Variants in ABCC1 observed in about 807,000 individuals in gnomAD.
The protein encoded by ABCC1 is ATP binding cassette subfamily C member 1 (ABCC1 blood group).
Under a neutral mutation model 172.9 loss-of-function variants are expected in ABCC1, and 83 were observed. The observed-to-expected ratio is 0.48, with a 90% confidence interval of 0.40 to 0.58. ABCC1 has a LOEUF of 0.58. Ranked by LOEUF, ABCC1 falls within the 20% of genes least tolerant of loss-of-function variation. The pLI is 0.00. For missense variants in ABCC1, 1,817 were observed against 2,002.7 expected, an observed-to-expected ratio of 0.91 and a Z score of 1.77; for synonymous variants, 937 against 825.2, an observed-to-expected ratio of 1.14 and a Z score of -2.32.
intron 4 of ABCC1, 79 bp from the exon 5 acceptor site, chr16:16,016,417 G>A: frequency 6.4e-7 from 1 of 1,570,468 alleles, no homozygotes; most frequent in South Asian, 1.2e-5. Context: ...GCCTCCAAAA[G>A]TGCTAGGATT....
intron 23 of ABCC1, among the ~76,000 whole-genome samples, chr16:16,117,298 G>T (rs961092435): frequency 2.6e-5 from 4 of 152,136 alleles, no homozygotes; most frequent in Non-Finnish European, 5.9e-5. Context: ...CGAAGTCGGG[G>T]AGCCCCCTTA....
chr16:16,022,335 G>A (rs981061201), intron 5 of ABCC1, among the ~76,000 whole-genome samples: 2 of 152,112 alleles, frequency 1.3e-5, no homozygotes, highest in African/African-American at 4.8e-5. Flanking sequence ...TGGGGCTGCC[G>A]AGGCTTTTGG....
rs146070443 is a variant in ABCC1, at chr16:16,130,859, A to G, written c.3820-930A>G. On this transcript the variant is annotated intron_variant, in intron 26 of 30. Transcript: ENST00000399410. ...ATGTCTGTGGCGGGCATGGTGGCTCACGCCTGTAATCCCAGCACTTTGGGA... is the reference window on the plus strand; with the variant it reads ...ATGTCTGTGGCGGGCATGGTGGCTCGCGCCTGTAATCCCAGCACTTTGGGA... Among the ~76,000 whole-genome samples the G allele has an allele frequency of 5.4e-3, 825 of 152,294 alleles. 4 individuals are homozygous for G. The highest frequency in any genetic ancestry group is 0.019 in the African/African-American group (795 of 41,548).
chr16:15,982,368 A>G (rs2046641300), intron 1 of ABCC1, among the ~76,000 whole-genome samples: 1 of 152,202 alleles, frequency 6.6e-6, no homozygotes, highest in South Asian at 2.1e-4. Context: ...GGCCTCAGGA[A>G]GCTTGTAATC....
intron 24 of ABCC1, among the ~76,000 whole-genome samples, chr16:16,123,943 G>C (rs2045285669): frequency 6.6e-6 from 1 of 152,164 alleles, no homozygotes; most frequent in East Asian, 1.9e-4. Flanking sequence ...CTGGAACTTG[G>C]AAGGTTGAGG....
chr16:16,112,387 A>G (rs984735723), intron 22 of ABCC1, among the ~76,000 whole-genome samples: 1 of 151,090 alleles, frequency 6.6e-6, no homozygotes, highest in Non-Finnish European at 1.5e-5. Context: ...AAAAAAAAAA[A>G]CCCTGCTCTA....
Position 16,074,311 on chromosome 16 carries a change from G to A in ABCC1, c.1913-2015G>A, listed in dbSNP as rs535494600. Among the ~76,000 whole-genome samples, 4 of 152,230 alleles carry A rather than the reference G, an allele frequency of 2.6e-5. No homozygotes were observed. The East Asian group carries it at 7.7e-4, about 29-fold the overall frequency. On this transcript the variant is annotated intron_variant, in intron 14 of 30. Transcript: ENST00000399410. ...AGAACCGTGGCCCAAGTGGATGCTG[G>A]ACTCTTCCTCCCAACACTCCTGGGC... is the stretch of plus-strand genomic sequence containing the variant.
At chr16:16,114,054 A>G (rs45520031) in intron 22 of ABCC1, among the ~76,000 whole-genome samples, 2,045 of 152,260 alleles carry the variant, frequency 0.013, 55 homozygotes, top group African/African-American at 0.047. Flanking sequence ...GCTGCTGCCA[A>G]TCTGTGGCCC....
At chr16:16,110,475 C>T (rs1005179775) in intron 21 of ABCC1, among the ~76,000 whole-genome samples, 4 of 152,084 alleles carry the variant, frequency 2.6e-5, no homozygotes, top group African/African-American at 7.2e-5. Context: ...CTGTAACCTC[C>T]GCCTACTGGG....
intron 24 of ABCC1, among the ~76,000 whole-genome samples, chr16:16,122,659 T>A (rs2045220804): frequency 6.9e-6 from 1 of 144,996 alleles, no homozygotes; most frequent in Non-Finnish European, 1.5e-5. Context: ...GGCAGGAGGA[T>A]CCATTAGATT....
At chr16:16,018,674 T>G (rs2048088584) in intron 5 of ABCC1, among the ~76,000 whole-genome samples, 1 of 151,800 alleles carries the variant, frequency 6.6e-6, no homozygotes, top group African/African-American at 2.4e-5. Flanking sequence ...TATGTATTCC[T>G]GTGCATCTGT....
intron 14 of ABCC1, 141 bp downstream of exon 14, chr16:16,071,870 A>G (rs2050364611): frequency 2.7e-6 from 2 of 749,482 alleles, no homozygotes; most frequent in African/African-American, 1.7e-5. Flanking sequence ...CCCGGGGGAC[A>G]AGGGTTCTGC....
rs1181705746 is a variant in ABCC1 at position 16,142,228 on chromosome 16, AGT to A, written c.*949_*950del. 1.3e-5 allele frequency: 2 copies of A among 152,184 alleles called. No individual in the cohort carries two copies. The highest frequency in any genetic ancestry group is 4.8e-5 in the African/African-American group (2 of 41,450). The allele number at this position is 152,184 out of a possible 1,614,324, so 9.4% of individuals were successfully genotyped here. ...ACCTTGACTAGAAATAGAGACTGAG[AGT>A]GAGCAACCAGCTGGAAGGTACTATG... On this transcript the variant is annotated 3_prime_UTR_variant, in exon 31 of 31. Transcript: ENST00000399410.
At chr16:16,098,769 C>T in intron 19 of ABCC1, 1 of 1,078,278 alleles carries the variant, frequency 9.3e-7, no homozygotes, top group East Asian at 4.8e-5. Context: ...TTGCCTCTCC[C>T]CCTTTAGAAA....
intron 1 of ABCC1, among the ~76,000 whole-genome samples, chr16:15,988,239 G>A (rs754028140): frequency 6.6e-6 from 1 of 152,088 alleles, no homozygotes; most frequent in South Asian, 2.1e-4. Context: ...TTAAATACCC[G>A]TCCTCAGCAA....
intron 26 of ABCC1, among the ~76,000 whole-genome samples, chr16:16,127,672 C>T (rs185413436): frequency 3.9e-5 from 6 of 152,308 alleles, no homozygotes; most frequent in Admixed American, 1.3e-4. Flanking sequence ...GCTACCCGGC[C>T]TCCTGAGGAG....
chr16:15,983,986 T>G (rs999871370), intron 1 of ABCC1, among the ~76,000 whole-genome samples: 1 of 152,200 alleles, frequency 6.6e-6, no homozygotes, highest in Non-Finnish European at 1.5e-5. Flanking sequence ...GTTTTCTGCC[T>G]CCTCTAGGCT....
Position 16,033,104 on chromosome 16 carries a change from A to G in ABCC1, c.616-5A>G. On this transcript the variant is annotated splice_polypyrimidine_tract_variant and splice_region_variant and intron_variant, in intron 5 of 30. Transcript: ENST00000399410. Reference sequence around the variant, plus strand: ...CCTCCCAAACCTGTGCTTTCTTTCCACTAGAATCCCTGCCCAGAGTCCAGC... The same window carrying G: ...CCTCCCAAACCTGTGCTTTCTTTCCGCTAGAATCCCTGCCCAGAGTCCAGC... 1 of 1,613,942 alleles carries G rather than the reference A, an allele frequency of 6.2e-7. No homozygotes were observed.
At chr16:16,113,323 G>A (rs1213048718) in intron 22 of ABCC1, among the ~76,000 whole-genome samples, 1 of 152,194 alleles carries the variant, frequency 6.6e-6, no homozygotes, top group Non-Finnish European at 1.5e-5. Flanking sequence ...TGGTGCGGTA[G>A]TCACAAGACA....
Sources: allele counts gnomAD v4.1 joint callset (sites outside exome capture counted in the v4.1 genomes callset), GRCh38; gene constraint gnomAD v4.1.1; transcripts MANE v1.5; gene names NCBI Gene and HGNC (gene_info 2026-07-23, HGNC 2026-07-21).